POFUT3: variants seen among roughly 807,000 people sequenced by gnomAD.
The protein encoded by POFUT3 is protein O-fucosyltransferase 3, also known as GDP-fucose protein O-fucosyltransferase 3.
At chr8:33,440,777 T>C in the POFUT3 span, among the ~76,000 whole-genome samples, 724 of 152,314 alleles carry the variant, frequency 4.8e-3, 9 homozygotes, top group African/African-American at 0.016. Flanking sequence ...GATCAGTACA[T>C]GTAGTTGACT....
chr8:33,368,707 T>C, the POFUT3 span, among the ~76,000 whole-genome samples: 2 of 152,306 alleles, frequency 1.3e-5, no homozygotes, highest in Non-Finnish European at 2.9e-5. Flanking sequence ...AAAGATCCTC[T>C]CCTAGTTACA....
At chr8:33,420,327 G>C in the POFUT3 span, among the ~76,000 whole-genome samples, 1 of 152,120 alleles carries the variant, frequency 6.6e-6, no homozygotes, top group Non-Finnish European at 1.5e-5. Flanking sequence ...ATGTTGAGCA[G>C]TATTTTCAAA....
chr8:33,308,439 T>C, the POFUT3 span, among the ~76,000 whole-genome samples: 1 of 152,124 alleles, frequency 6.6e-6, no homozygotes, highest in Non-Finnish European at 1.5e-5. Context: ...CTCTGTAAAG[T>C]GAGGTGTTTG....
the POFUT3 span, among the ~76,000 whole-genome samples, chr8:33,309,997 A>C: frequency 1.1e-4 from 16 of 152,324 alleles, no homozygotes; most frequent in African/African-American, 3.6e-4. Flanking sequence ...TATCATTAAT[A>C]TCTTCTCTAT....
the POFUT3 span, among the ~76,000 whole-genome samples, chr8:33,454,013 G>C: frequency 6.6e-6 from 1 of 152,154 alleles, no homozygotes; most frequent in African/African-American, 2.4e-5. Context: ...TGTAATCCCA[G>C]ATACTCAGGA....
the POFUT3 span, among the ~76,000 whole-genome samples, chr8:33,327,147 C>T: frequency 6.6e-6 from 1 of 152,168 alleles, no homozygotes; most frequent in Non-Finnish European, 1.5e-5. Context: ...GGGGAGCCTG[C>T]ACTGCTCTGG....
chr8:33,319,024 ATATATTTTACATATATTTATATAT>A, the POFUT3 span, among the ~76,000 whole-genome samples: 1 of 61,312 alleles, frequency 1.6e-5, no homozygotes, highest in African/African-American at 7.7e-5. Flanking sequence ...TAATATATAA[ATATATTTTACATATATTTATATAT>A]TATATAAATA....
chr8:33,432,465 G>C, the POFUT3 span, among the ~76,000 whole-genome samples: 1 of 151,912 alleles, frequency 6.6e-6, no homozygotes, highest in East Asian at 1.9e-4. Context: ...AAGTTCCCAG[G>C]CCTCATTCCT....
chr8:33,393,692 G>A, the POFUT3 span, among the ~76,000 whole-genome samples: 7 of 152,194 alleles, frequency 4.6e-5, no homozygotes, highest in African/African-American at 1.7e-4. Context: ...GTGGGGACAA[G>A]AACGTCTGAC....
the POFUT3 span, chr8:33,389,479 G>A: frequency 6.2e-6 from 10 of 1,614,074 alleles, no homozygotes; most frequent in Admixed American, 3.3e-5. Flanking sequence ...TCATCAGCTC[G>A]CGAACATAGC....
chr8:33,449,356 C>T, the POFUT3 span, among the ~76,000 whole-genome samples: 1 of 119,974 alleles, frequency 8.3e-6, no homozygotes, highest in East Asian at 2.9e-4. Flanking sequence ...ATGACACGAT[C>T]TTGGCTCACT....
chr8:33,326,607 C>T, the POFUT3 span, among the ~76,000 whole-genome samples: 1 of 152,168 alleles, frequency 6.6e-6, no homozygotes. Flanking sequence ...CAGCTCAGCA[C>T]ACACACAGTC....
the POFUT3 span, among the ~76,000 whole-genome samples, chr8:33,328,982 T>C: frequency 6.6e-6 from 1 of 152,252 alleles, no homozygotes; most frequent in African/African-American, 2.4e-5. Flanking sequence ...AATTTTGATA[T>C]TTCATGTGAC....
At chr8:33,443,763 G>A in the POFUT3 span, among the ~76,000 whole-genome samples, 3 of 152,178 alleles carry the variant, frequency 2.0e-5, no homozygotes, top group African/African-American at 4.8e-5. Flanking sequence ...AAAATGTTGG[G>A]ATTACAGGCA....
chr8:33,380,126 A>ATATATATATACTATATATATACAC, the POFUT3 span, among the ~76,000 whole-genome samples: 1 of 50,952 alleles, frequency 2.0e-5, no homozygotes, highest in African/African-American at 1.3e-4. Context: ...TATATACACT[A>ATATATATATACTATATATATACAC]TATATATATA....
the POFUT3 span, among the ~76,000 whole-genome samples, chr8:33,378,637 G>T: frequency 6.6e-6 from 1 of 152,152 alleles, no homozygotes; most frequent in African/African-American, 2.4e-5. Flanking sequence ...TTTGCTGGTG[G>T]GGAGAAGCAA....
chr8:33,372,479 A>G, the POFUT3 span: 1 of 1,471,972 alleles, frequency 6.8e-7, no homozygotes, highest in Non-Finnish European at 9.0e-7. Context: ...ATCCTGATGG[A>G]TAGTCAACAG....
the POFUT3 span, among the ~76,000 whole-genome samples, chr8:33,345,597 C>A: frequency 6.6e-6 from 1 of 151,010 alleles, no homozygotes. Flanking sequence ...GACAGGGTTT[C>A]ACCATGTTGA....
the POFUT3 span, among the ~76,000 whole-genome samples, chr8:33,380,148 C>CACTATATATATATAGTATATATATAT: frequency 8.2e-5 from 3 of 36,524 alleles, no homozygotes; most frequent in Non-Finnish European, 1.2e-4. Context: ...TATATATATA[C>CACTATATATATATAGTATATATATAT]ACTATATATA....
Sources: allele counts gnomAD v4.1 joint callset (sites outside exome capture counted in the v4.1 genomes callset), GRCh38; gene constraint gnomAD v4.1.1; transcripts MANE v1.5; gene names NCBI Gene and HGNC (gene_info 2026-07-23, HGNC 2026-07-21).